Variants in FGFR2 observed in about 807,000 individuals in gnomAD.
FGFR2 encodes the protein BEK fibroblast growth factor receptor.
Under a neutral mutation model 95.9 loss-of-function variants are expected in FGFR2, and 19 were observed. The observed-to-expected ratio is 0.20, with a 90% CI of 0.14 to 0.29. FGFR2 has a LOEUF of 0.29. Ranked by LOEUF, FGFR2 falls within the 10% of genes least tolerant of loss-of-function variation. The pLI is 1.00. For missense variants in FGFR2, 707 were observed against 1,056.9 expected (o/e 0.67, Z 4.59); for synonymous variants, 392 against 393.3 (o/e 1.00, Z 0.04).
chr10:121,501,748 A>G (rs1847633644), intron 10 of FGFR2, among the ~76,000 whole-genome samples: 1 of 152,216 alleles, frequency 6.6e-6, no homozygotes, highest in African/African-American at 2.4e-5. Context: ...AGTACACAAT[A>G]GTTTGCAAAA....
At chr10:121,524,101 TAC>T (rs61527395) in intron 6 of FGFR2, among the ~76,000 whole-genome samples, 2,384 of 89,170 alleles carry the variant, frequency 0.027, 83 homozygotes, top group African/African-American at 0.078. Flanking sequence ...CGGCTATGTA[TAC>T]ACACACACAC....
At chr10:121,557,883 C>CA (rs891370056) in intron 4 of FGFR2, among the ~76,000 whole-genome samples, 1 of 151,642 alleles carries the variant, frequency 6.6e-6, no homozygotes, top group African/African-American at 2.4e-5. Flanking sequence ...TAGGTACTTC[C>CA]AAAAAAAATA....
intron 2 of FGFR2, among the ~76,000 whole-genome samples, chr10:121,578,137 C>A (rs970908220): frequency 1.7e-4 from 26 of 152,250 alleles, no homozygotes; most frequent in African/African-American, 4.8e-4. Flanking sequence ...CTTGTAGCCA[C>A]CGCAGACCCC....
rs866417190 is a variant in FGFR2, at chr10:121,518,147, G to A, written c.940-684C>T. 4.1e-5 allele frequency: 15 copies of A among 363,104 alleles called. No homozygotes were observed. Among genetic ancestry groups the A allele is most frequent in the African/African-American group, 2.5e-4 (11 of 44,726 alleles). The allele number at this position is 363,104 out of a possible 1,614,324, so 22.5% of individuals were successfully genotyped here. ...AAGTCAACCTTTTGCCTTTAGTAGCGTCCAGTAGTACATTCATTAAGATGA... is the reference window on the plus strand; with the variant it reads ...AAGTCAACCTTTTGCCTTTAGTAGCATCCAGTAGTACATTCATTAAGATGA... On this transcript the variant is annotated intron_variant, in intron 7 of 17. Coordinates refer to ENST00000358487, the MANE Select transcript of FGFR2 (RefSeq NM_000141.5). The surrounding 1 kb of genome is among the most constrained non-coding windows in gnomAD (Gnocchi z 4.0).
At chr10:121,564,682 G>A (rs1857424837) in intron 3 of FGFR2, 103 bp from the exon 4 acceptor site, 6 of 1,003,718 alleles carry the variant, frequency 6.0e-6, no homozygotes, top group Non-Finnish European at 9.4e-6. Flanking sequence ...CAACAACCCA[G>A]GAACCCTCGC....
chr10:121,559,673 G>C (rs1443181020), intron 4 of FGFR2, among the ~76,000 whole-genome samples: 1 of 152,236 alleles, frequency 6.6e-6, no homozygotes, highest in Admixed American at 6.5e-5. Flanking sequence ...TTCAGGGGCA[G>C]AGTTGCTGTC....
intron 2 of FGFR2, among the ~76,000 whole-genome samples, chr10:121,583,127 C>T (rs1400446328): frequency 6.6e-6 from 1 of 151,990 alleles, no homozygotes; most frequent in Non-Finnish European, 1.5e-5. Flanking sequence ...TCTTTTTTGG[C>T]TTTCTTAGTC....
intron 17 of FGFR2, chr10:121,480,387 CTAAATA>C: frequency 8.6e-5 from 33 of 384,536 alleles, no homozygotes; most frequent in South Asian, 2.6e-4. Flanking sequence ...TCACACGGAC[CTAAATA>C]ACCCGCTGAG....
intron 11 of FGFR2, among the ~76,000 whole-genome samples, chr10:121,499,900 C>A (rs1375897398): frequency 2.0e-5 from 3 of 152,158 alleles, no homozygotes; most frequent in Non-Finnish European, 4.4e-5. Context: ...ATCTTGTTGA[C>A]AAAGTCCAGC....
intron 17 of FGFR2, among the ~76,000 whole-genome samples, chr10:121,481,269 C>T (rs764750394): frequency 9.9e-5 from 15 of 152,240 alleles, no homozygotes; most frequent in Middle Eastern, 6.8e-3. Flanking sequence ...CAGAAGCCAA[C>T]AACTATTCTA....
At chr10:121,492,380 C>T (rs1846251991) in intron 13 of FGFR2, among the ~76,000 whole-genome samples, 1 of 152,066 alleles carries the variant, frequency 6.6e-6, no homozygotes, top group Non-Finnish European at 1.5e-5. Context: ...CTCCAATCCC[C>T]AACCCCTACC....
rs1005985162 is a variant in FGFR2, at chr10:121,485,366, G to C, written c.2195+29C>G. 1.9e-6 allele frequency: 3 copies of C among 1,613,968 alleles called. No individual in the cohort carries two copies. Among genetic ancestry groups the C allele is most frequent in the Non-Finnish European group, 8.5e-7 (1 of 1,179,958 alleles). ...TTACTGGTGTGGCAAGTCCACTGGG[G>C]CACCGGCAGGAAAGACAACAGCCCT... On this transcript the variant is annotated intron_variant, in intron 16 of 17. Coordinates refer to ENST00000358487, the MANE Select transcript of FGFR2 (RefSeq NM_000141.5). This position sits in a 1 kb window ranked among gnomAD's most constrained non-coding sequence, Gnocchi z 4.2.
At chr10:121,490,795 T>G (rs1405543559) in intron 13 of FGFR2, among the ~76,000 whole-genome samples, 1 of 152,172 alleles carries the variant, frequency 6.6e-6, no homozygotes, top group East Asian at 1.9e-4. Context: ...AAGGAATTAT[T>G]TGATTCCACC....
chr10:121,514,076 C>T (rs1274816445), intron 9 of FGFR2, among the ~76,000 whole-genome samples: 1 of 152,088 alleles, frequency 6.6e-6, no homozygotes, highest in Non-Finnish European at 1.5e-5. Context: ...ATTCCTGGCC[C>T]TATCCAAGAT....
At chr10:121,540,588 A>G (rs1853572275) in intron 5 of FGFR2, among the ~76,000 whole-genome samples, 1 of 152,190 alleles carries the variant, frequency 6.6e-6, no homozygotes, top group Non-Finnish European at 1.5e-5. Context: ...CTTGAGGTCC[A>G]CAGACCCAAA....
chr10:121,595,735 T>C (rs1410516921), intron 1 of FGFR2, among the ~76,000 whole-genome samples: 1 of 152,260 alleles, frequency 6.6e-6, no homozygotes, highest in African/African-American at 2.4e-5. Flanking sequence ...CGCAGAGGTT[T>C]CACCCCAGGC....
Position 121,484,254 on chromosome 10 carries a change from C to T in FGFR2, c.2196-451G>A, listed in dbSNP as rs573224764. On this transcript the variant is annotated intron_variant, in intron 16 of 17. Transcript: ENST00000358487. ...TTAATGATTCTAGTTGACACAGCTT[C>T]CTGAGTTAAAAAAAAATTAAATAAA... Among the ~76,000 whole-genome samples the T allele has an allele frequency of 6.6e-5, 10 of 152,160 alleles. No homozygotes were observed. The East Asian group carries it at 1.2e-3, about 18-fold the overall frequency.
intron 4 of FGFR2, among the ~76,000 whole-genome samples, chr10:121,559,547 C>T (rs1245286159): frequency 5.9e-5 from 9 of 152,198 alleles, no homozygotes; most frequent in Non-Finnish European, 1.0e-4. Context: ...AGCTAAGAAC[C>T]GCTATCACTT....
chr10:121,489,594 C>T (rs1845871479), intron 13 of FGFR2, among the ~76,000 whole-genome samples: 1 of 152,190 alleles, frequency 6.6e-6, no homozygotes, highest in Non-Finnish European at 1.5e-5. Context: ...TCCTGAGACC[C>T]ATGTTCTCAT....
Sources: gnomAD v4.1 joint callset for allele counts (sites outside exome capture counted in the v4.1 genomes callset) on GRCh38, gnomAD v4.1.1 for gene constraint, Gnocchi (gnomAD v3.1) non-coding constraint, MANE v1.5 for transcripts, NCBI Gene and HGNC (gene_info 2026-07-23, HGNC 2026-07-21) for gene names.